Variants in TMEM209 observed in about 807,000 individuals in gnomAD.
The protein encoded by TMEM209 is transmembrane protein 209, also known as testicular tissue protein Li 202.
TMEM209 carries 65 observed loss-of-function variants against 76.2 expected under a neutral mutation model. The ratio of observed to expected loss-of-function variants is 0.85; its 90% confidence interval spans 0.70 to 1.05. The LOEUF is 1.05. TMEM209 is among the 50% of genes least tolerant of loss of function. The pLI, the probability that TMEM209 is intolerant of heterozygous loss-of-function variation, is 0.00. For synonymous variants in TMEM209, 239 were observed against 237.6 expected (o/e 1.01, Z -0.06); for missense variants, 623 against 685.5 (o/e 0.91, Z 1.02).
At chr7:130,173,274 C>T (rs1264480732) in intron 13 of TMEM209, among the ~76,000 whole-genome samples, 1 of 151,212 alleles carries the variant, frequency 6.6e-6, no homozygotes, top group African/African-American at 2.4e-5. Flanking sequence ...CCCATGAGTT[C>T]AAGGCTACAA....
intron 1 of TMEM209, 84 bp from the exon 2 acceptor site, chr7:130,204,194 G>C: frequency 6.9e-7 from 1 of 1,442,644 alleles, no homozygotes; most frequent in South Asian, 1.4e-5. Context: ...CCTTATAAAG[G>C]TAACTGAAAC....
chr7:130,202,508 T>G (rs1241929678), intron 4 of TMEM209, 24 bp downstream of exon 4: 2 of 1,583,106 alleles, frequency 1.3e-6, no homozygotes, highest in Non-Finnish European at 8.6e-7. Flanking sequence ...TTCCCCACCT[T>G]TGCAAGAGAT....
chr7:130,184,976 G>A (rs1343754748), intron 7 of TMEM209, among the ~76,000 whole-genome samples: 2 of 152,154 alleles, frequency 1.3e-5, no homozygotes, highest in African/African-American at 4.8e-5. Context: ...GGGCGCTAAG[G>A]TGAACTGTGT....
chr7:130,186,187 A>T (rs1797592758), intron 6 of TMEM209, among the ~76,000 whole-genome samples: 1 of 152,212 alleles, frequency 6.6e-6, no homozygotes, highest in South Asian at 2.1e-4. Context: ...TTGGTACTTT[A>T]TACCCTCAAA....
In TMEM209 at chr7:130,173,688, T is replaced by C; in HGVS notation, c.1501A>G (p.Ile501Val). 2 of 1,613,894 alleles carry C rather than the reference T, an allele frequency of 1.2e-6. No homozygotes were observed. Among genetic ancestry groups the C allele is most frequent in the Non-Finnish European group, 1.7e-6 (2 of 1,179,858 alleles). The change falls in exon 13 of 15, where the codon ATC becomes GTC. Residue 501 changes from isoleucine to valine, a missense_variant. Physicochemically the swap from Ile to Val is conservative, Grantham distance 29. Coordinates refer to ENST00000397622, the MANE Select transcript of TMEM209 (RefSeq NM_032842.4). ...ATGAGCTCATAATGGGGAGGGTTGA[T>C]AGCACTCTGATAAATGCAAAAAACA... ...ENVFCIYQSAINPPHYELIYQ... is the reference protein window; with the variant it reads ...ENVFCIYQSAVNPPHYELIYQ...
At chr7:130,175,373 A>G in intron 11 of TMEM209, 139 bp downstream of exon 11, 1 of 700,006 alleles carries the variant, frequency 1.4e-6, no homozygotes, top group East Asian at 3.0e-5. Flanking sequence ...AGCTGGGAGG[A>G]GCACTTGAGC....
intron 14 of TMEM209, among the ~76,000 whole-genome samples, chr7:130,167,775 A>G (rs1382089415): frequency 6.6e-6 from 1 of 152,078 alleles, no homozygotes; most frequent in Non-Finnish European, 1.5e-5. Flanking sequence ...ATGTATTTGG[A>G]TCAATCTGTG....
Position 130,173,928 on chromosome 7 carries a change from A to G in TMEM209, c.1356T>C (p.His452=). 6.2e-7 allele frequency: 1 copy of G among 1,607,162 alleles called. No individual in the cohort carries two copies. The highest frequency in any genetic ancestry group is 8.5e-7 in the Non-Finnish European group (1 of 1,173,758). ...TGGAATCAAGGTAGGTGCAAAATAC[A>G]TGCATGATGATCTGAGGATGAAGAA... The part of the protein sequence containing the change: ...DLPTDSAIIM[H]VFCTYLDSRL... Residue 452 remains histidine (H), a synonymous_variant, in exon 12 of 15, where the codon CAT becomes CAC. Coordinates refer to ENST00000397622, the MANE Select transcript of TMEM209 (RefSeq NM_032842.4).
At chr7:130,167,941 A>G (rs1238968400) in intron 14 of TMEM209, among the ~76,000 whole-genome samples, 1 of 152,212 alleles carries the variant, frequency 6.6e-6, no homozygotes, top group East Asian at 1.9e-4. Flanking sequence ...CCGAGTTTAA[A>G]AACACTAGTT....
chr7:130,205,344 G>A lies in TMEM209; in HGVS notation c.3+29C>T, dbSNP rs748216161. The A allele has an allele frequency of 1.6e-5, 26 of 1,613,692 alleles. No homozygotes were observed. In the South Asian group the frequency reaches 1.8e-4, roughly 11 times the overall value. ...ACAACCCGCGTAGATTCCAAGACAG[G>A]AAGCACAAACACGACCCCGAAAACG... On this transcript the variant is annotated intron_variant, in intron 1 of 14. Coordinates refer to ENST00000397622, the MANE Select transcript of TMEM209 (RefSeq NM_032842.4).
intron 11 of TMEM209, among the ~76,000 whole-genome samples, chr7:130,174,820 T>C (rs1013518811): frequency 2.0e-5 from 3 of 152,142 alleles, no homozygotes; most frequent in African/African-American, 2.4e-5. Flanking sequence ...CACAAGTGTC[T>C]CAAACTTTTA....
Position 130,185,213 on chromosome 7 carries a change from G to A in TMEM209, c.930C>T (p.Ser310=). 1 of 1,613,674 alleles carries A rather than the reference G, an allele frequency of 6.2e-7. No individual in the cohort carries two copies. The highest frequency in any genetic ancestry group is 8.5e-7 in the Non-Finnish European group (1 of 1,179,710). The change falls in exon 7 of 15, where the codon AGC becomes AGT. Residue 310 remains serine (S), a synonymous_variant. Transcript: ENST00000397622. The part of the protein sequence containing the change: ...PCANKDEADL[S]SKQAAEEVWA... ...TTACCTCTTCTGCGGCTTGTTTAGA[G>A]CTGAGATCGGCTTCATCTTTGTTAG...
intron 1 of TMEM209, among the ~76,000 whole-genome samples, 184 bp from the exon 2 acceptor site, chr7:130,204,294 G>GTA (rs1241123279): frequency 1.3e-5 from 2 of 152,174 alleles, no homozygotes; most frequent in African/African-American, 4.8e-5. Flanking sequence ...AAAATTATAT[G>GTA]TAACTTAATT....
intron 6 of TMEM209, 132 bp from the exon 7 acceptor site, chr7:130,185,499 A>G (rs1797569327): frequency 1.3e-6 from 1 of 754,214 alleles, no homozygotes; most frequent in Non-Finnish European, 2.1e-6. Flanking sequence ...TCTCCCCAAC[A>G]TAATTTTCTC....
chr7:130,183,313 C>T (rs934990680), intron 8 of TMEM209, among the ~76,000 whole-genome samples: 5 of 152,068 alleles, frequency 3.3e-5, no homozygotes, highest in African/African-American at 7.2e-5. Flanking sequence ...AATTACCTAA[C>T]GTGTCCCAGA....
intron 8 of TMEM209, among the ~76,000 whole-genome samples, chr7:130,183,298 A>C (rs532396944): frequency 5.3e-5 from 8 of 152,282 alleles, no homozygotes; most frequent in African/African-American, 1.9e-4. Flanking sequence ...CTTTGGCTGT[A>C]ACAAAATTAC....
rs1173316345 is a variant in TMEM209, at chr7:130,165,760, TAAATA to T, written c.*686_*690del. On this transcript the variant is annotated 3_prime_UTR_variant, in exon 15 of 15. Transcript: ENST00000397622. The stretch of plus-strand genomic sequence containing the variant: ...CTTACTTTCTAAGTACTTACACTGT[TAAATA>T]AAATAACTGAGGCTGGGCGCAGTGG... 6.6e-6 allele frequency: 1 copy of T among 150,966 alleles called. No homozygotes were observed. The highest frequency in any genetic ancestry group is 2.4e-5 in the African/African-American group (1 of 41,072). The allele number at this position is 150,966 out of a possible 1,614,324, so 9.4% of individuals were successfully genotyped here. A position where few individuals can be genotyped will look rare whatever the true frequency, so the allele number is the denominator to read the frequency against.
At chr7:130,200,264 T>C (rs1798142763) in intron 5 of TMEM209, among the ~76,000 whole-genome samples, 1 of 152,050 alleles carries the variant, frequency 6.6e-6, no homozygotes, top group African/African-American at 2.4e-5. Context: ...GATTTAGCTA[T>C]GCGGCTTTGA....
chr7:130,204,996 GGA>G, intron 1 of TMEM209: 1 of 1,165,798 alleles, frequency 8.6e-7, no homozygotes, highest in Non-Finnish European at 1.1e-6. Context: ...GGAGTAAGAG[GGA>G]GAGAGGGGAA....
Sources: gnomAD v4.1 joint callset for allele counts (sites outside exome capture counted in the v4.1 genomes callset) on GRCh38, gnomAD v4.1.1 for gene constraint, MANE v1.5 for transcripts, NCBI Gene and HGNC (gene_info 2026-07-23, HGNC 2026-07-21) for gene names.